The following EGFLAM variants were observed in gnomAD, a reference collection of about 807,000 sequenced individuals.
The protein encoded by EGFLAM is EGF like, fibronectin type III and laminin G domains.
A neutral mutation model predicts 113.1 loss-of-function variants in EGFLAM; 79 were observed. That is an observed-to-expected ratio of 0.70 (90% CI 0.58 to 0.84). EGFLAM has a LOEUF of 0.84. Among genes scored for constraint, EGFLAM ranks in the 40% least tolerant of loss-of-function variants. The pLI is 0.00. For missense variants in EGFLAM, 1,265 were observed against 1,291.6 expected (o/e 0.98, Z 0.32); for synonymous variants, 504 against 487.6 (o/e 1.03, Z -0.44).
Position 38,407,786 on chromosome 5 carries a change from T to C in EGFLAM, c.1148-19T>C, listed in dbSNP as rs2961882. 0.17 allele frequency: 271,676 copies of C among 1,571,936 alleles called. 25,611 individuals carry two copies. The highest frequency in any genetic ancestry group is 0.27 in the African/African-American group (20,183 of 73,540). ...GTGAGGAAATAGCATTCTTTTGTGT[T>C]GTCTTTTTTCTTCTTCAGATATTGT... On this transcript the variant is annotated intron_variant, in intron 8 of 21. Transcript: ENST00000322350.
At chr5:38,416,145 G>A (rs1741634814) in intron 11 of EGFLAM, among the ~76,000 whole-genome samples, 1 of 152,124 alleles carries the variant, frequency 6.6e-6, no homozygotes, top group African/African-American at 2.4e-5. Context: ...AATGAGACTT[G>A]CTAAGCAAGT....
At position 38,462,075 on chromosome 5, in the gene EGFLAM, G is replaced by A. The variant is rs188195276; in HGVS notation, c.2772-833G>A. ...CCCAGCTACTCGGGAGGCTGAGGCA[G>A]GAGAATGGCGTGAACCCCGGGGGGC... On this transcript the variant is annotated intron_variant, in intron 20 of 21. Transcript: ENST00000322350. Among the ~76,000 whole-genome samples, 535 of 152,314 alleles carry A rather than the reference G, an allele frequency of 3.5e-3. 5 individuals carry two copies. The highest frequency in any genetic ancestry group is 0.012 in the African/African-American group (480 of 41,578).
rs1742905193 is a variant in EGFLAM at position 38,451,320 on chromosome 5, C to CAG, written c.2550_2551dup (p.Gly851GlufsTer9). On this transcript the variant is annotated frameshift_variant, in exon 19 of 22. Transcript: ENST00000322350. LOFTEE classifies it high-confidence loss of function. ...TATTTGTGTATTTCCTCCAGGGTGT[C>CAG]AGGATCAAGATCAAATGTGTTCATG... The CAG allele has an allele frequency of 2.7e-5, 44 of 1,612,876 alleles. No homozygotes were observed. The highest frequency in any genetic ancestry group is 3.6e-5 in the Non-Finnish European group (42 of 1,179,238).
chr5:38,391,267 T>A (rs1334640699), intron 6 of EGFLAM, among the ~76,000 whole-genome samples: 2 of 152,208 alleles, frequency 1.3e-5, no homozygotes, highest in Non-Finnish European at 2.9e-5. Context: ...CGTAATGACA[T>A]CTTTCTGGTA....
At chr5:38,342,151 G>A (rs1387588721) in intron 3 of EGFLAM, among the ~76,000 whole-genome samples, 1 of 152,140 alleles carries the variant, frequency 6.6e-6, no homozygotes, top group Non-Finnish European at 1.5e-5. Context: ...GAATCTACAA[G>A]GTGAATTTTT....
intron 1 of EGFLAM, among the ~76,000 whole-genome samples, chr5:38,301,947 G>A (rs1758590263): frequency 6.6e-6 from 1 of 152,060 alleles, no homozygotes; most frequent in Non-Finnish European, 1.5e-5. Flanking sequence ...TCTTGTGACA[G>A]GAGGAGATCA....
intron 1 of EGFLAM, among the ~76,000 whole-genome samples, chr5:38,289,390 G>A (rs550147266): frequency 3.4e-4 from 52 of 152,026 alleles, no homozygotes; most frequent in South Asian, 6.2e-4. Flanking sequence ...TGTATTAGTC[G>A]GAGTAAGCTA....
chr5:38,328,836 A>AT (rs1321248545), intron 1 of EGFLAM, among the ~76,000 whole-genome samples: 1 of 145,768 alleles, frequency 6.9e-6, no homozygotes, highest in Admixed American at 7.1e-5. Context: ...TTGGCCTCTC[A>AT]TTTTGCTGCA....
At chr5:38,359,317 A>C (rs372349214) in intron 5 of EGFLAM, among the ~76,000 whole-genome samples, 13 of 152,338 alleles carry the variant, frequency 8.5e-5, no homozygotes, top group African/African-American at 3.1e-4. Flanking sequence ...AAACTGCTTC[A>C]GAGCTTTGCA....
chr5:38,410,603 A>C (rs1461862858), intron 10 of EGFLAM, among the ~76,000 whole-genome samples: 1 of 152,190 alleles, frequency 6.6e-6, no homozygotes, highest in East Asian at 1.9e-4. Flanking sequence ...TGGAAGAGGC[A>C]TGGTGGCTAT....
intron 1 of EGFLAM, among the ~76,000 whole-genome samples, chr5:38,295,952 T>C (rs1291960212): frequency 6.6e-6 from 1 of 152,114 alleles, no homozygotes; most frequent in Non-Finnish European, 1.5e-5. Context: ...CAAAACACAA[T>C]CAGAGACAAA....
At chr5:38,306,253 A>C (rs967074921) in intron 1 of EGFLAM, among the ~76,000 whole-genome samples, 1 of 152,192 alleles carries the variant, frequency 6.6e-6, no homozygotes, top group Non-Finnish European at 1.5e-5. Context: ...TTTTTTAAAA[A>C]GAGAGAGCAT....
At chr5:38,266,738 C>T (rs988304116) in intron 1 of EGFLAM, among the ~76,000 whole-genome samples, 1 of 152,094 alleles carries the variant, frequency 6.6e-6, no homozygotes, top group Admixed American at 6.6e-5. Flanking sequence ...TGGTAATTGT[C>T]TTGGGGGAAG....
chr5:38,398,355 G>A (rs1469313109), intron 6 of EGFLAM, among the ~76,000 whole-genome samples: 1 of 152,160 alleles, frequency 6.6e-6, no homozygotes, highest in Admixed American at 6.5e-5. Context: ...AGATAGTGTT[G>A]ATTTCCTCAA....
At chr5:38,396,082 C>T (rs1444455252) in intron 6 of EGFLAM, among the ~76,000 whole-genome samples, 1 of 106,568 alleles carries the variant, frequency 9.4e-6, no homozygotes, top group African/African-American at 4.4e-5. Flanking sequence ...CCTATTCATT[C>T]TTCAACCCAT....
chr5:38,390,725 C>G (rs1740786805), intron 6 of EGFLAM, among the ~76,000 whole-genome samples: 1 of 152,160 alleles, frequency 6.6e-6, no homozygotes. Flanking sequence ...TTGAATTGTA[C>G]TTCTCCATTT....
At chr5:38,350,727 TG>T in intron 4 of EGFLAM, 109 bp downstream of exon 4, 1 of 1,052,418 alleles carries the variant, frequency 9.5e-7, no homozygotes, top group Non-Finnish European at 1.4e-6. Flanking sequence ...TGCTAGGCTC[TG>T]GGAATTCAGT....
At chr5:38,385,657 C>T (rs1310191424) in intron 6 of EGFLAM, among the ~76,000 whole-genome samples, 1 of 152,022 alleles carries the variant, frequency 6.6e-6, no homozygotes, top group Non-Finnish European at 1.5e-5. Flanking sequence ...GTCACAGACA[C>T]TCACAGTACT....
At chr5:38,330,820 A>T (rs773869178) in intron 1 of EGFLAM, among the ~76,000 whole-genome samples, 5 of 152,140 alleles carry the variant, frequency 3.3e-5, no homozygotes, top group Non-Finnish European at 7.3e-5. Flanking sequence ...CTTTTCAGCC[A>T]CCTTTAAGAC....
Sources: allele counts gnomAD v4.1 joint callset (sites outside exome capture counted in the v4.1 genomes callset), GRCh38; gene constraint gnomAD v4.1.1; transcripts MANE v1.5; gene names NCBI Gene and HGNC (gene_info 2026-07-23, HGNC 2026-07-21).